The following UNC80 variants were observed in gnomAD, a reference collection of about 807,000 sequenced individuals.
The protein encoded by UNC80 is protein unc-80 homolog.
A neutral mutation model predicts 384.6 loss-of-function variants in UNC80; 164 were observed. The observed-to-expected ratio is 0.43, with a 90% CI of 0.38 to 0.49. The LOEUF is 0.49. UNC80 is among the 20% of genes least tolerant of loss of function. The pLI is 0.00. For synonymous variants in UNC80, 1,486 were observed against 1,527.8 expected (o/e 0.97, Z 0.64); for missense variants, 3,330 against 4,143.0 (o/e 0.80, Z 5.39).
chr2:209,813,930 T>G (rs1222809905), intron 8 of UNC80, 89 bp downstream of exon 8: 3 of 1,453,028 alleles, frequency 2.1e-6, no homozygotes, highest in Admixed American at 2.6e-5. Flanking sequence ...TCTTAGGTAC[T>G]CTAGTGCTGA....
chr2:209,926,769 C>G (rs2090467944), intron 35 of UNC80, 74 bp from the exon 36 acceptor site: 1 of 1,514,542 alleles, frequency 6.6e-7, no homozygotes, highest in East Asian at 2.5e-5. Flanking sequence ...GAGTGAGACC[C>G]TATCTCAAAA....
chr2:209,921,601 A>G lies in UNC80; in HGVS notation c.5445A>G (p.Glu1815=), dbSNP rs2090043401. 1 of 1,551,718 alleles carries G rather than the reference A, an allele frequency of 6.4e-7. No homozygotes were observed. The highest frequency in any genetic ancestry group is 8.7e-7 in the Non-Finnish European group (1 of 1,146,980). The change falls in exon 34 of 65, where the codon GAA becomes GAG. Residue 1815 remains glutamate (E), a synonymous_variant. Transcript: ENST00000673920. ...AAGAAAAGAAACGACTTGGTAGAGA[A>G]GCCAGCCTCATCACTGCCATCCCCA... The part of the protein sequence containing the change: ...QEEEKKRLGR[E]ASLITAIPIT...
intron 58 of UNC80, among the ~76,000 whole-genome samples, chr2:209,977,872 A>C (rs982135870): frequency 6.6e-6 from 1 of 152,192 alleles, no homozygotes; most frequent in South Asian, 2.1e-4. Context: ...GTAATATGTG[A>C]TAGGTTTTCT....
chr2:209,986,176 A>T (rs1429175757), intron 61 of UNC80, among the ~76,000 whole-genome samples: 1 of 152,202 alleles, frequency 6.6e-6, no homozygotes. Flanking sequence ...AGTCTAGCAG[A>T]GTGTTCATTC....
At position 209,817,866 on chromosome 2, in the gene UNC80, G is replaced by A; in HGVS notation, c.1607G>A (p.Ser536Asn). Residue 536 changes from serine (S) to asparagine (N), a missense_variant, in exon 11 of 65, where the codon AGC becomes AAC. By Grantham distance (46) the Ser-to-Asn change is conservative (BLOSUM62 1). Coordinates refer to ENST00000673920, the MANE Select transcript of UNC80 (RefSeq NM_001371986.1). ...SDAATEMESL[S>N]ARHSHSHHTL... ...GCAGCCACTGAGATGGAGAGTCTGA[G>A]CGCCAGGCATTCCCACTCCCATCAC... The A allele has an allele frequency of 6.4e-7, 1 of 1,551,678 alleles. No individual in the cohort carries two copies. Among genetic ancestry groups the A allele is most frequent in the Non-Finnish European group, 8.7e-7 (1 of 1,146,984 alleles).
intron 63 of UNC80, 80 bp downstream of exon 63, chr2:209,993,506 A>G (rs2093429385): frequency 7.5e-6 from 9 of 1,206,322 alleles, no homozygotes; most frequent in Non-Finnish European, 8.3e-6. Flanking sequence ...ACAAAAACCA[A>G]GCTGATGGAG....
At chr2:209,882,658 C>T (rs2085402543) in intron 25 of UNC80, among the ~76,000 whole-genome samples, 1 of 152,168 alleles carries the variant, frequency 6.6e-6, no homozygotes, top group Non-Finnish European at 1.5e-5. Flanking sequence ...ATCAAGGCCA[C>T]CACTCAGCAC....
chr2:209,983,267 A>T (rs1409324489), intron 60 of UNC80, among the ~76,000 whole-genome samples: 1 of 152,208 alleles, frequency 6.6e-6, no homozygotes, highest in Non-Finnish European at 1.5e-5. Flanking sequence ...AACTACACAG[A>T]TGAAATAAAA....
chr2:209,998,482 GGTTAGGGCCT>G lies in UNC80; in HGVS notation c.*2891_*2900del, dbSNP rs1440861141. The G allele has an allele frequency of 1.4e-4, 21 of 152,244 alleles. No individual in the cohort carries two copies. Among genetic ancestry groups the G allele is most frequent in the Non-Finnish European group, 8.8e-5 (6 of 68,066 alleles). The allele number at this position is 152,244 out of a possible 1,614,324, so 9.4% of individuals were successfully genotyped here. On this transcript the variant is annotated 3_prime_UTR_variant, in exon 65 of 65. Transcript: ENST00000673920. Reference sequence around the variant, plus strand: ...GAAAAATCTGTGGTACTGGTGATCTGGTTAGGGCCTGTTGCACAGGCTGGGAGTAACTGGT... The same window carrying G: ...GAAAAATCTGTGGTACTGGTGATCTGGTTGCACAGGCTGGGAGTAACTGGT...
At chr2:209,772,188 G>C in intron 1 of UNC80, 24 bp downstream of exon 1, 5 of 1,519,906 alleles carry the variant, frequency 3.3e-6, no homozygotes, top group South Asian at 1.2e-5. Flanking sequence ...AGGGCGCACC[G>C]CGGGCCGCCC....
chr2:209,775,187 C>T (rs753574017), intron 2 of UNC80, among the ~76,000 whole-genome samples: 10 of 152,130 alleles, frequency 6.6e-5, no homozygotes, highest in East Asian at 5.8e-4. Context: ...TTACTTGTTC[C>T]GGAGTGCTAC....
chr2:209,964,375 T>C (rs1377580661), intron 51 of UNC80, among the ~76,000 whole-genome samples: 1 of 152,196 alleles, frequency 6.6e-6, no homozygotes, highest in Non-Finnish European at 1.5e-5. Flanking sequence ...TCTGCAGATG[T>C]AGGCCCTGGA....
rs1368521475 is a variant in UNC80 at position 209,998,245 on chromosome 2, C to G, written c.*2650C>G. 6.6e-6 allele frequency: 1 copy of G among 152,190 alleles called. No homozygotes were observed. The highest frequency in any genetic ancestry group is 1.5e-5 in the Non-Finnish European group (1 of 68,032). The allele number at this position is 152,190 out of a possible 1,614,324, so 9.4% of individuals were successfully genotyped here. On this transcript the variant is annotated 3_prime_UTR_variant, in exon 65 of 65. Transcript: ENST00000673920. The stretch of plus-strand genomic sequence containing the variant: ...TTATCCATGATAGTATGACTCAGAT[C>G]CAATTAAAACAGTTTAAATTCTGGA...
At chr2:209,943,649 A>AG (rs1417869479) in intron 45 of UNC80, 135 bp downstream of exon 45, 18 of 1,059,744 alleles carry the variant, frequency 1.7e-5, no homozygotes, top group Non-Finnish European at 2.4e-5. Context: ...AGGCAGGCAG[A>AG]GGAGTCGAAA....
intron 51 of UNC80, among the ~76,000 whole-genome samples, chr2:209,966,047 A>G (rs1365129209): frequency 1.3e-5 from 2 of 152,076 alleles, no homozygotes; most frequent in Non-Finnish European, 2.9e-5. Flanking sequence ...CCATCCACAC[A>G]TGCATTCCTA....
chr2:209,961,733 T>C (rs2092597457), intron 51 of UNC80, among the ~76,000 whole-genome samples: 1 of 152,212 alleles, frequency 6.6e-6, no homozygotes, highest in African/African-American at 2.4e-5. Flanking sequence ...AACAATACTT[T>C]TTTAAAATAC....
At chr2:209,884,955 A>G (rs962704642) in intron 25 of UNC80, among the ~76,000 whole-genome samples, 8 of 152,130 alleles carry the variant, frequency 5.3e-5, no homozygotes, top group Admixed American at 1.3e-4. Flanking sequence ...GCAGGGCTCA[A>G]TACTTCAGTG....
intron 29 of UNC80, among the ~76,000 whole-genome samples, chr2:209,908,627 A>G (rs1463202409): frequency 6.6e-6 from 1 of 152,196 alleles, no homozygotes; most frequent in Non-Finnish European, 1.5e-5. Context: ...ATACATGCTC[A>G]AAAAAATAAA....
chr2:209,792,909 C>G (rs2077913254), intron 6 of UNC80, among the ~76,000 whole-genome samples: 1 of 152,312 alleles, frequency 6.6e-6, no homozygotes, highest in East Asian at 1.9e-4. Context: ...TTTTAAATCT[C>G]TAAATCACCT....
Sources: gnomAD v4.1 joint callset for allele counts (sites outside exome capture counted in the v4.1 genomes callset) on GRCh38, gnomAD v4.1.1 for gene constraint, MANE v1.5 for transcripts, NCBI Gene and HGNC (gene_info 2026-07-23, HGNC 2026-07-21) for gene names.